The following CCDC148 variants were observed in gnomAD, a reference collection of about 807,000 sequenced individuals.
CCDC148 encodes the protein coiled-coil domain-containing protein 148.
CCDC148 carries 89 observed loss-of-function variants against 85.7 expected under a neutral mutation model. That is an observed-to-expected ratio of 1.04 (90% CI 0.87 to 1.24). The LOEUF is 1.24. CCDC148 is among the 50% of genes most tolerant of loss of function. The probability of loss-of-function intolerance (pLI) is 0.00; values close to 1 mark genes in which losing one functional copy is unlikely to be tolerated. For synonymous variants in CCDC148, 230 were observed against 213.9 expected, an observed-to-expected ratio of 1.08 and a Z score of -0.66; for missense variants, 692 against 671.7, an observed-to-expected ratio of 1.03 and a Z score of -0.33.
intron 1 of CCDC148, among the ~76,000 whole-genome samples, chr2:158,374,841 GTC>G (rs1684590876): frequency 6.6e-6 from 1 of 151,830 alleles, no homozygotes; most frequent in Non-Finnish European, 1.5e-5. Flanking sequence ...ATACTAAAGT[GTC>G]TCATAGAAAA....
At chr2:158,212,921 T>C (rs1686656476) in intron 11 of CCDC148, among the ~76,000 whole-genome samples, 1 of 152,212 alleles carries the variant, frequency 6.6e-6, no homozygotes, top group African/African-American at 2.4e-5. Flanking sequence ...TGGAATGGTC[T>C]CAAGAACCCA....
At chr2:158,389,456 G>A (rs1186863720) in intron 1 of CCDC148, among the ~76,000 whole-genome samples, 1 of 152,130 alleles carries the variant, frequency 6.6e-6, no homozygotes, top group Non-Finnish European at 1.5e-5. Context: ...AAGTTAATTG[G>A]GCTGATCCCA....
intron 1 of CCDC148, among the ~76,000 whole-genome samples, chr2:158,394,388 G>GA (rs1235167623): frequency 6.6e-6 from 1 of 151,940 alleles, no homozygotes; most frequent in Non-Finnish European, 1.5e-5. Context: ...AAAAGGGAAA[G>GA]AAAATAGAAC....
intron 2 of CCDC148, among the ~76,000 whole-genome samples, chr2:158,346,770 G>T (rs1683016652): frequency 6.6e-6 from 1 of 152,122 alleles, no homozygotes; most frequent in Admixed American, 6.6e-5. Context: ...GAAATGTAAA[G>T]ACTTCAGAAG....
intron 1 of CCDC148, among the ~76,000 whole-genome samples, chr2:158,389,799 A>G (rs914241462): frequency 3.3e-5 from 5 of 152,234 alleles, no homozygotes; most frequent in African/African-American, 1.2e-4. Flanking sequence ...TGCAGATGAA[A>G]TGTCCTGCTC....
chr2:158,407,889 T>C (rs200693378), intron 1 of CCDC148, among the ~76,000 whole-genome samples: 29 of 152,308 alleles, frequency 1.9e-4, no homozygotes, highest in Non-Finnish European at 3.8e-4. Context: ...AGTCAGTTAC[T>C]AAAATATTAA....
intron 10 of CCDC148, among the ~76,000 whole-genome samples, chr2:158,228,989 G>GA (rs34545779): frequency 1 from 147,265 of 147,466 alleles, 73,532 homozygotes; most frequent in Middle Eastern, 1. Flanking sequence ...GAAAATGAAA[G>GA]AAAAAAAAAG....
Position 158,171,821 on chromosome 2 carries a change from G to A in CCDC148, c.*292C>T, listed in dbSNP as rs188660040. On this transcript the variant is annotated 3_prime_UTR_variant, in exon 14 of 14. Transcript: ENST00000283233. ...AAGTTATTTTGAGCTCTTTTTATAG[G>A]ATAACATAACCTCCAACATGTAGTT... 45 of 185,078 alleles carry A rather than the reference G, an allele frequency of 2.4e-4. No individual in the cohort carries two copies. Among genetic ancestry groups the A allele is most frequent in the Non-Finnish European group, 3.9e-4 (35 of 90,850 alleles). 11.5% of individuals were successfully genotyped at this position (185,078 alleles called of 1,614,324 possible). A position where few individuals can be genotyped will look rare whatever the true frequency, so the allele number is the denominator to read the frequency against.
chr2:158,221,509 A>G (rs1290524055), intron 10 of CCDC148, among the ~76,000 whole-genome samples: 2 of 152,180 alleles, frequency 1.3e-5, no homozygotes, highest in Non-Finnish European at 2.9e-5. Context: ...CTGAGTCAAG[A>G]GACTGGCTCT....
At chr2:158,362,347 A>C (rs532740597) in intron 1 of CCDC148, among the ~76,000 whole-genome samples, 16 of 152,178 alleles carry the variant, frequency 1.1e-4, no homozygotes, top group Non-Finnish European at 1.9e-4. Flanking sequence ...AGAACTCTCC[A>C]CCCCAAATCA....
chr2:158,435,236 G>A (rs2105336573), intron 1 of CCDC148, among the ~76,000 whole-genome samples: 1 of 152,226 alleles, frequency 6.6e-6, no homozygotes, highest in South Asian at 2.1e-4. Flanking sequence ...AGAAAGGTTG[G>A]GTTACCCACA....
At chr2:158,239,991 A>T (rs1157387151) in intron 10 of CCDC148, among the ~76,000 whole-genome samples, 1 of 152,188 alleles carries the variant, frequency 6.6e-6, no homozygotes, top group Non-Finnish European at 1.5e-5. Context: ...TTGCAAGATC[A>T]CATGTCTAGG....
chr2:158,440,492 A>C (rs1308858095), intron 1 of CCDC148, among the ~76,000 whole-genome samples: 1 of 152,156 alleles, frequency 6.6e-6, no homozygotes, highest in Non-Finnish European at 1.5e-5. Flanking sequence ...TTCTCAGGAG[A>C]TGCATTCAAG....
chr2:158,349,357 T>A (rs912309708), intron 2 of CCDC148, among the ~76,000 whole-genome samples: 7 of 151,996 alleles, frequency 4.6e-5, no homozygotes, highest in Non-Finnish European at 8.8e-5. Context: ...AACAGGGAAG[T>A]AGGCTGATAA....
At chr2:158,396,719 T>G (rs993024362) in intron 1 of CCDC148, among the ~76,000 whole-genome samples, 1 of 152,108 alleles carries the variant, frequency 6.6e-6, no homozygotes, top group African/African-American at 2.4e-5. Context: ...ATATAATGCA[T>G]GTTCAGAAGT....
intron 9 of CCDC148, among the ~76,000 whole-genome samples, chr2:158,296,383 T>G (rs533808530): frequency 6.6e-6 from 1 of 152,356 alleles, no homozygotes; most frequent in Admixed American, 6.5e-5. Context: ...TGACTTGAGA[T>G]GTGTGGATCT....
intron 1 of CCDC148, among the ~76,000 whole-genome samples, chr2:158,372,889 G>T (rs1684506139): frequency 6.6e-6 from 1 of 152,100 alleles, no homozygotes. Flanking sequence ...CAAACCATTT[G>T]CAGATCCCTG....
chr2:158,183,827 G>T (rs1020252110), intron 11 of CCDC148, among the ~76,000 whole-genome samples: 1 of 152,072 alleles, frequency 6.6e-6, no homozygotes, highest in African/African-American at 2.4e-5. Flanking sequence ...CAGCATCACG[G>T]GGAACCTGTT....
intron 1 of CCDC148, among the ~76,000 whole-genome samples, chr2:158,425,749 T>C (rs1687047716): frequency 6.6e-6 from 1 of 152,168 alleles, no homozygotes; most frequent in Admixed American, 6.5e-5. Context: ...AATATGTAGA[T>C]ATATTCCATG....
Sources: gnomAD v4.1 joint callset for allele counts (sites outside exome capture counted in the v4.1 genomes callset) on GRCh38, gnomAD v4.1.1 for gene constraint, MANE v1.5 for transcripts, NCBI Gene and HGNC (gene_info 2026-07-23, HGNC 2026-07-21) for gene names.